Variants in SLCO3A1 observed in about 807,000 individuals in gnomAD.
The protein encoded by SLCO3A1 is solute carrier organic anion transporter family member 3A1, also known as PGE1 transporter.
A neutral mutation model predicts 63.1 loss-of-function variants in SLCO3A1; 27 were observed. The ratio of observed to expected loss-of-function variants is 0.43; its 90% confidence interval spans 0.32 to 0.59. The LOEUF (loss-of-function observed/expected upper bound fraction) is 0.59. Among genes scored for constraint, SLCO3A1 ranks in the 20% least tolerant of loss-of-function variants. The pLI, the probability that SLCO3A1 is intolerant of heterozygous loss-of-function variation, is 0.09. For synonymous variants in SLCO3A1, 473 were observed against 409.9 expected, an observed-to-expected ratio of 1.15 and a Z score of -1.86; for missense variants, 773 against 945.8, an observed-to-expected ratio of 0.82 and a Z score of 2.40.
chr15:91,877,770 G>A (rs766348119), intron 1 of SLCO3A1, among the ~76,000 whole-genome samples: 6 of 152,116 alleles, frequency 3.9e-5, no homozygotes, highest in Non-Finnish European at 7.4e-5. Context: ...AAAGGGGTGT[G>A]GTCTATAGAA....
rs114996431 is a variant in SLCO3A1, at chr15:91,998,402, C to T, written c.646+81944C>T. Among the ~76,000 whole-genome samples, 974 of 151,654 alleles carry T rather than the reference C, an allele frequency of 6.4e-3. 15 individuals are homozygous for T. The highest frequency in any genetic ancestry group is 0.023 in the African/African-American group (932 of 41,292). ...CTGGGAGGCTGAGGTTGCAGCGTGC[C>T]GAGATCGAGCCATTGCATTCTAGCC... On this transcript the variant is annotated intron_variant, in intron 2 of 9. Coordinates refer to ENST00000318445, the MANE Select transcript of SLCO3A1 (RefSeq NM_013272.4).
chr15:92,031,773 C>T, intron 2 of SLCO3A1, among the ~76,000 whole-genome samples: 1 of 152,198 alleles, frequency 6.6e-6, no homozygotes, highest in Non-Finnish European at 1.5e-5. Context: ...CATCCATCAC[C>T]TCAAGCATTT....
chr15:91,893,524 C>T (rs1897927380), intron 1 of SLCO3A1, among the ~76,000 whole-genome samples: 1 of 152,142 alleles, frequency 6.6e-6, no homozygotes, highest in African/African-American at 2.4e-5. Context: ...TTTGGGGCCT[C>T]TGTTATAAGG....
intron 2 of SLCO3A1, among the ~76,000 whole-genome samples, chr15:91,995,264 T>C (rs28535212): frequency 0.058 from 8,846 of 152,242 alleles, 854 homozygotes; most frequent in African/African-American, 0.2. Flanking sequence ...CCACTGCCAG[T>C]GCTATCTGAC....
At chr15:92,130,110 A>C (rs1299093207) in intron 7 of SLCO3A1, among the ~76,000 whole-genome samples, 1 of 152,254 alleles carries the variant, frequency 6.6e-6, no homozygotes, top group Non-Finnish European at 1.5e-5. Context: ...AGTATAGTCT[A>C]GTGTCCTGAG....
chr15:92,144,842 C>T (rs751948354), intron 7 of SLCO3A1, among the ~76,000 whole-genome samples: 3 of 152,130 alleles, frequency 2.0e-5, no homozygotes, highest in East Asian at 1.9e-4. Flanking sequence ...ATGCCTCACC[C>T]GTGCTCATGA....
At chr15:91,935,683 C>T (rs1217571761) in intron 2 of SLCO3A1, among the ~76,000 whole-genome samples, 2 of 152,172 alleles carry the variant, frequency 1.3e-5, no homozygotes, top group African/African-American at 4.8e-5. Context: ...GAAGGGCCTG[C>T]CACTTCCTTC....
intron 2 of SLCO3A1, among the ~76,000 whole-genome samples, chr15:91,943,606 G>A (rs1269788791): frequency 6.6e-6 from 1 of 152,166 alleles, no homozygotes; most frequent in Non-Finnish European, 1.5e-5. Flanking sequence ...ACCCAGAAAT[G>A]GAAATGCTGG....
chr15:91,926,596 T>TGTGTGTGTGTGTGTGTGCGCGC, intron 2 of SLCO3A1, among the ~76,000 whole-genome samples: 63 of 105,306 alleles, frequency 6.0e-4, no homozygotes, highest in African/African-American at 2.1e-3. Flanking sequence ...TGTGTGTGTG[T>TGTGTGTGTGTGTGTGTGCGCGC]GCGCGCGCGC....
chr15:92,058,889 G>A (rs913004778), intron 2 of SLCO3A1, among the ~76,000 whole-genome samples: 1 of 152,134 alleles, frequency 6.6e-6, no homozygotes, highest in Non-Finnish European at 1.5e-5. Flanking sequence ...TGCCTGCAAT[G>A]GCCTTCCCCT....
At position 91,874,613 on chromosome 15, in the gene SLCO3A1, G is replaced by C. The variant is rs560997716; in HGVS notation, c.180+20525G>C. On this transcript the variant is annotated intron_variant, in intron 1 of 9. Transcript: ENST00000318445. ...GGCTGAATTTTCCATAGTATGTATA[G>C]ACCACGTTTTGCTTATCCAGTCGTC... Among the ~76,000 whole-genome samples, 8 of 152,304 alleles carry C rather than the reference G, an allele frequency of 5.3e-5. No individual in the cohort carries two copies. In the South Asian group the frequency reaches 1.7e-3, roughly 32 times the overall value.
rs889169029 is a variant in SLCO3A1 at position 91,860,258 on chromosome 15, A to G, written c.180+6170A>G. On this transcript the variant is annotated intron_variant, in intron 1 of 9. Coordinates refer to ENST00000318445, the MANE Select transcript of SLCO3A1 (RefSeq NM_013272.4). The surrounding 1 kb of genome is among the most constrained non-coding windows in gnomAD (Gnocchi z 5.5). ...GGTGCTGAAGGCTGAGGGTAGGTGG[A>G]AAGAATGTTGGACTTGGAGTTGGAA... Among the ~76,000 whole-genome samples, 4 of 152,250 alleles carry G rather than the reference A, an allele frequency of 2.6e-5. No individual in the cohort carries two copies. The highest frequency in any genetic ancestry group is 9.6e-5 in the African/African-American group (4 of 41,524).
In SLCO3A1 at chr15:92,033,994, T is replaced by C. The variant is rs2046689844; in HGVS notation, c.647-60887T>C. 1.3e-5 allele frequency among the ~76,000 whole-genome samples: 2 copies of C among 151,998 alleles called. No individual in the cohort carries two copies. The highest frequency in any genetic ancestry group is 2.1e-4 in the South Asian group (1 of 4,822). On this transcript the variant is annotated intron_variant, in intron 2 of 9. Transcript: ENST00000318445. This position sits in a 1 kb window ranked among gnomAD's most constrained non-coding sequence, Gnocchi z 4.5. Reference sequence around the variant, plus strand: ...GAATGAATGGGGGCGCCATGGCAGATCACGTGGAGTCCTGGTGACCATTGG... The same window carrying C: ...GAATGAATGGGGGCGCCATGGCAGACCACGTGGAGTCCTGGTGACCATTGG...
chr15:91,904,089 G>A (rs1175094932), intron 1 of SLCO3A1, among the ~76,000 whole-genome samples: 1 of 141,448 alleles, frequency 7.1e-6, no homozygotes, highest in Non-Finnish European at 1.5e-5. Flanking sequence ...GGGTGGAGGT[G>A]AGGTGCCCCA....
chr15:92,045,718 T>C lies in SLCO3A1; in HGVS notation c.647-49163T>C, dbSNP rs150321409. Among the ~76,000 whole-genome samples the C allele has an allele frequency of 2.4e-3, 361 of 152,324 alleles. 4 individuals are homozygous for C. Among genetic ancestry groups the C allele is most frequent in the East Asian group, 8.9e-3 (46 of 5,190 alleles). Reference sequence around the variant, plus strand: ...GTTTTGGACATTATATGATTTAGAATTTTTTGTAATGCAGAGGCAAGGTGC... The same window carrying C: ...GTTTTGGACATTATATGATTTAGAACTTTTTGTAATGCAGAGGCAAGGTGC... On this transcript the variant is annotated intron_variant, in intron 2 of 9. Transcript: ENST00000318445.
At chr15:92,171,700 T>C in intron 10 of SLCO3A1, 11 of 999,792 alleles carry the variant, frequency 1.1e-5, no homozygotes, top group Non-Finnish European at 1.7e-5. Context: ...TGCTATTAAA[T>C]AAGCCTAACA....
At chr15:92,062,662 T>C (rs1442078822) in intron 2 of SLCO3A1, among the ~76,000 whole-genome samples, 2 of 152,136 alleles carry the variant, frequency 1.3e-5, no homozygotes, top group Non-Finnish European at 2.9e-5. Context: ...GGGAGTTATT[T>C]TGGGGTGGCG....
In SLCO3A1 at chr15:91,934,884, G is replaced by A. The variant is rs536021368; in HGVS notation, c.646+18426G>A. 5.7e-4 allele frequency among the ~76,000 whole-genome samples: 87 copies of A among 152,146 alleles called. 1 individual carries two copies. The South Asian group carries it at 9.1e-3, about 16-fold the overall frequency. On this transcript the variant is annotated intron_variant, in intron 2 of 9. Coordinates refer to ENST00000318445, the MANE Select transcript of SLCO3A1 (RefSeq NM_013272.4). ...TAACTAAGGCCCTGACTATAACTTCGCCTTTTTATGGTAACACATATTGAG... is the reference window on the plus strand; with the variant it reads ...TAACTAAGGCCCTGACTATAACTTCACCTTTTTATGGTAACACATATTGAG...
chr15:92,058,286 T>C (rs949012401), intron 2 of SLCO3A1, among the ~76,000 whole-genome samples: 1 of 152,162 alleles, frequency 6.6e-6, no homozygotes, highest in Non-Finnish European at 1.5e-5. Flanking sequence ...GTGCCCTTTC[T>C]GCTATTTAAG....
Sources: allele counts gnomAD v4.1 joint callset (sites outside exome capture counted in the v4.1 genomes callset), GRCh38; gene constraint gnomAD v4.1.1; non-coding constraint Gnocchi (gnomAD v3.1); transcripts MANE v1.5; gene names NCBI Gene and HGNC (gene_info 2026-07-23, HGNC 2026-07-21).